The following SETD7 variants were observed in gnomAD, a reference collection of about 807,000 sequenced individuals.
SETD7 encodes the protein SET domain containing 7, histone lysine methyltransferase.
In SETD7, 16 loss-of-function variants were observed where a neutral mutation model predicts 41.8. The ratio of observed to expected loss-of-function variants is 0.38; its 90% CI spans 0.26 to 0.58. SETD7 has a LOEUF of 0.58. Ranked by LOEUF, SETD7 falls within the 20% of genes least tolerant of loss-of-function variation. The probability of loss-of-function intolerance (pLI) is 0.64; values close to 1 mark genes in which losing one functional copy is unlikely to be tolerated. For missense variants in SETD7, 346 were observed against 459.7 expected (o/e 0.75, Z 2.26); for synonymous variants, 163 against 169.7 (o/e 0.96, Z 0.31).
chr4:139,509,826 T>G lies in SETD7; in HGVS notation c.*1837A>C. On this transcript the variant is annotated 3_prime_UTR_variant, in exon 8 of 8. Transcript: ENST00000274031. ...ACTATTCAGTTCCTTTGGTGGGCAATCTTCCTGGAAGCACTGACAACTTCC... is the reference window on the plus strand; with the variant it reads ...ACTATTCAGTTCCTTTGGTGGGCAAGCTTCCTGGAAGCACTGACAACTTCC... 1.0e-6 allele frequency: 1 copy of G among 985,548 alleles called. No individual in the cohort carries two copies. The highest frequency in any genetic ancestry group is 1.2e-6 in the Non-Finnish European group (1 of 830,028). The allele number at this position is 985,548 out of a possible 1,614,324, so 61.1% of individuals were successfully genotyped here.
At chr4:139,496,869 C>T (rs868288580) in intron 7 of SETD7, among the ~76,000 whole-genome samples, 1 of 151,312 alleles carries the variant, frequency 6.6e-6, no homozygotes, top group South Asian at 2.1e-4. Context: ...AAGTTGTGTT[C>T]CTGTACACAC....
At chr4:139,544,464 G>A (rs1168518794) in intron 2 of SETD7, among the ~76,000 whole-genome samples, 2 of 152,086 alleles carry the variant, frequency 1.3e-5, no homozygotes, top group Non-Finnish European at 2.9e-5. Flanking sequence ...TGACACACCT[G>A]CAAATTAATG....
chr4:139,549,182 T>C (rs1171777782), intron 1 of SETD7, among the ~76,000 whole-genome samples: 1 of 152,234 alleles, frequency 6.6e-6, no homozygotes, highest in Non-Finnish European at 1.5e-5. Context: ...ATTTATTAAC[T>C]TGTTGAAAAT....
chr4:139,511,959 G>A lies in SETD7; in HGVS notation c.921-116C>T. ...AGGCACTCTTCCCTGGGCACACCTG[G>A]TATGTGCCCAAAGTGTGGTCACCCA... On this transcript the variant is annotated intron_variant, in intron 7 of 7. Coordinates refer to ENST00000274031, the MANE Select transcript of SETD7 (RefSeq NM_030648.4). The A allele has an allele frequency of 2.1e-6, 3 of 1,453,724 alleles. No individual in the cohort carries two copies. In the South Asian group the frequency reaches 4.4e-5, roughly 21 times the overall value. The allele number at this position is 1,453,724 out of a possible 1,614,324, so 90.1% of individuals were successfully genotyped here.
In SETD7 at chr4:139,506,786, G is replaced by A. The variant is rs910421811; in HGVS notation, c.*4877C>T. On this transcript the variant is annotated 3_prime_UTR_variant, in exon 8 of 8. Coordinates refer to ENST00000274031, the MANE Select transcript of SETD7 (RefSeq NM_030648.4). ...ATAACATAAGAGTCAGGAGAGTTGGGAGGTATGTCCTAGGGATGTGATTGA... is the reference window on the plus strand; with the variant it reads ...ATAACATAAGAGTCAGGAGAGTTGGAAGGTATGTCCTAGGGATGTGATTGA... 1 of 152,656 alleles carries A rather than the reference G, an allele frequency of 6.6e-6. No individual in the cohort carries two copies. The highest frequency in any genetic ancestry group is 6.5e-5 in the Admixed American group (1 of 15,288). The allele number at this position is 152,656 out of a possible 1,614,324, so 9.5% of individuals were successfully genotyped here.
chr4:139,503,682 T>G (rs1726633531), downstream of SETD7, among the ~76,000 whole-genome samples: 1 of 152,138 alleles, frequency 6.6e-6, no homozygotes, highest in African/African-American at 2.4e-5. Context: ...TTAATTTATT[T>G]GAAGAGACTA....
At position 139,509,248 on chromosome 4, in the gene SETD7, G is replaced by C. The variant is rs1189191780; in HGVS notation, c.*2415C>G. 1 of 152,404 alleles carries C rather than the reference G, an allele frequency of 6.6e-6. No individual in the cohort carries two copies. Among genetic ancestry groups the C allele is most frequent in the Non-Finnish European group, 1.5e-5 (1 of 68,208 alleles). 9.4% of individuals were successfully genotyped at this position (152,404 alleles called of 1,614,324 possible). ...CTGGAAGACACAGAGAGTATGAAGA[G>C]AGTTGGGAGGAAGACATGGTGAGGC... On this transcript the variant is annotated 3_prime_UTR_variant, in exon 8 of 8. Coordinates refer to ENST00000274031, the MANE Select transcript of SETD7 (RefSeq NM_030648.4).
chr4:139,527,733 A>G (rs62323116), intron 4 of SETD7, among the ~76,000 whole-genome samples: 16 of 152,344 alleles, frequency 1.1e-4, no homozygotes, highest in Non-Finnish European at 2.4e-4. Flanking sequence ...TTAAGAAACC[A>G]ACACAGATAC....
At chr4:139,530,423 T>TA (rs1341082758) in intron 3 of SETD7, among the ~76,000 whole-genome samples, 1 of 150,020 alleles carries the variant, frequency 6.7e-6, no homozygotes, top group Non-Finnish European at 1.5e-5. Flanking sequence ...TCATGGCACT[T>TA]ACATAGAAAG....
At chr4:139,513,341 A>C (rs1401953718) in intron 7 of SETD7, among the ~76,000 whole-genome samples, 1 of 150,928 alleles carries the variant, frequency 6.6e-6, no homozygotes, top group East Asian at 2.0e-4. Flanking sequence ...AATCGCTTGG[A>C]CCCAAGAGGT....
intron 3 of SETD7, among the ~76,000 whole-genome samples, chr4:139,531,628 T>C (rs1294220907): frequency 6.6e-6 from 1 of 152,264 alleles, no homozygotes; most frequent in Non-Finnish European, 1.5e-5. Flanking sequence ...TAGCAATTCT[T>C]AGAAAATGTT....
chr4:139,496,842 G>C (rs990359786), intron 7 of SETD7, among the ~76,000 whole-genome samples: 1 of 152,104 alleles, frequency 6.6e-6, no homozygotes, highest in African/African-American at 2.4e-5. Context: ...TGTAGGTTTT[G>C]TAAATCGTAC....
intron 1 of SETD7, among the ~76,000 whole-genome samples, chr4:139,551,630 C>A (rs895370203): frequency 4.0e-5 from 6 of 151,884 alleles, no homozygotes; most frequent in Non-Finnish European, 5.9e-5. Context: ...GGCTTACTCA[C>A]AAGAGATCTG....
rs535689211 is a variant in SETD7 at position 139,527,465 on chromosome 4, G to A, written c.562+1566C>T. ...CTTAGCTACTGGGGAGGCTGAGGCA[G>A]GAGGATTGCTTGAGCTCAGGAGCTC... On this transcript the variant is annotated intron_variant, in intron 4 of 7. Transcript: ENST00000274031. Among the ~76,000 whole-genome samples the A allele has an allele frequency of 8.5e-5, 13 of 152,300 alleles. No individual in the cohort carries two copies. In the South Asian group the frequency reaches 2.3e-3, roughly 27 times the overall value.
chr4:139,549,864 G>A (rs1231799667), intron 1 of SETD7, among the ~76,000 whole-genome samples: 2 of 151,986 alleles, frequency 1.3e-5, no homozygotes, highest in African/African-American at 2.4e-5. Context: ...TGCAACCTCC[G>A]CCTCCCGGGT....
intron 2 of SETD7, among the ~76,000 whole-genome samples, chr4:139,533,733 C>G (rs900956372): frequency 6.6e-6 from 1 of 152,162 alleles, no homozygotes; most frequent in African/African-American, 2.4e-5. Context: ...TCTAATTTCC[C>G]TCAAGAGTGC....
At chr4:139,534,583 T>C (rs1195517678) in intron 2 of SETD7, among the ~76,000 whole-genome samples, 7 of 151,382 alleles carry the variant, frequency 4.6e-5, no homozygotes, top group Admixed American at 4.6e-4. Context: ...AGAGATGAGG[T>C]TTTGTCATGT....
chr4:139,509,665 T>C lies in SETD7; in HGVS notation c.*1998A>G. ...CCATCTTTCTCCTGAAGACAGTCAC[T>C]CCCTTTGGGCACATTTAAATTAAAG... On this transcript the variant is annotated 3_prime_UTR_variant, in exon 8 of 8. Transcript: ENST00000274031. 3 of 981,282 alleles carry C rather than the reference T, an allele frequency of 3.1e-6. No homozygotes were observed. The highest frequency in any genetic ancestry group is 3.6e-6 in the Non-Finnish European group (3 of 826,152). 60.8% of individuals were successfully genotyped at this position (981,282 alleles called of 1,614,324 possible).
At chr4:139,501,369 G>C (rs1195856117), downstream of SETD7, among the ~76,000 whole-genome samples, 1 of 151,446 alleles carries the variant, frequency 6.6e-6, no homozygotes, top group African/African-American at 2.4e-5. Context: ...ACTTATAAGT[G>C]GGAGCTAAGC....
Sources: allele counts gnomAD v4.1 joint callset (sites outside exome capture counted in the v4.1 genomes callset), GRCh38; gene constraint gnomAD v4.1.1; transcripts MANE v1.5; gene names NCBI Gene and HGNC (gene_info 2026-07-23, HGNC 2026-07-21).